BCAR3: variants seen among roughly 807,000 people sequenced by gnomAD.
The protein encoded by BCAR3 is breast cancer anti-estrogen resistance protein 3.
A neutral mutation model predicts 80.1 loss-of-function variants in BCAR3; 37 were observed. The ratio of observed to expected loss-of-function variants is 0.46; its 90% CI spans 0.36 to 0.61. BCAR3 has a LOEUF of 0.61. Ranked by LOEUF, BCAR3 falls within the 20% of genes least tolerant of loss-of-function variation. The pLI is 0.00. For missense variants in BCAR3, 978 were observed against 1,068.2 expected, an observed-to-expected ratio of 0.92 and a Z score of 1.18; for synonymous variants, 389 against 418.9, an observed-to-expected ratio of 0.93 and a Z score of 0.87.
At chr1:93,633,816 T>C (rs1675697025) in intron 3 of BCAR3, among the ~76,000 whole-genome samples, 2 of 152,176 alleles carry the variant, frequency 1.3e-5, no homozygotes, top group Admixed American at 6.5e-5. Flanking sequence ...TGTATTTTTT[T>C]AGTTAGTAGT....
At chr1:93,652,652 A>G (rs1226995630) in intron 2 of BCAR3, among the ~76,000 whole-genome samples, 2 of 151,416 alleles carry the variant, frequency 1.3e-5, no homozygotes, top group African/African-American at 2.4e-5. Flanking sequence ...TTTTTTTATA[A>G]TTTTTTTTGG....
chr1:93,692,611 A>C (rs887496637), intron 3 of BCAR3, among the ~76,000 whole-genome samples: 1 of 152,214 alleles, frequency 6.6e-6, no homozygotes, highest in Non-Finnish European at 1.5e-5. Flanking sequence ...TATAGACGAG[A>C]AAATGAAAGC....
chr1:93,578,414 C>T (rs1271244691), intron 7 of BCAR3, among the ~76,000 whole-genome samples: 6 of 152,128 alleles, frequency 3.9e-5, no homozygotes, highest in Non-Finnish European at 8.8e-5. Context: ...ATGAAGCCCT[C>T]CCACACCCCA....
At chr1:93,603,618 A>G (rs1031534788) in intron 3 of BCAR3, among the ~76,000 whole-genome samples, 2 of 152,050 alleles carry the variant, frequency 1.3e-5, no homozygotes, top group African/African-American at 4.8e-5. Context: ...TGCACACTTC[A>G]CCCTTTTGGC....
At chr1:93,672,811 A>G (rs901081684) in intron 2 of BCAR3, among the ~76,000 whole-genome samples, 5 of 152,158 alleles carry the variant, frequency 3.3e-5, no homozygotes, top group Non-Finnish European at 4.4e-5. Flanking sequence ...AGTGGTTTCT[A>G]TGGAGATTAT....
chr1:93,606,433 G>A (rs1186014059), intron 3 of BCAR3, among the ~76,000 whole-genome samples: 1 of 152,160 alleles, frequency 6.6e-6, no homozygotes, highest in Non-Finnish European at 1.5e-5. Flanking sequence ...GTGTTTAGAA[G>A]GTAATATCAT....
chr1:93,583,077 T>C, intron 6 of BCAR3, 124 bp from the exon 7 acceptor site: 1 of 1,176,986 alleles, frequency 8.5e-7, no homozygotes, highest in Admixed American at 2.8e-5. Flanking sequence ...TCATTTTCAT[T>C]TCCAAAAGAA....
At chr1:93,570,805 C>T (rs946268170) in intron 9 of BCAR3, among the ~76,000 whole-genome samples, 2 of 152,228 alleles carry the variant, frequency 1.3e-5, no homozygotes, top group African/African-American at 2.4e-5. Flanking sequence ...GATGTCTCAT[C>T]CTAATTGGTT....
At chr1:93,594,805 C>T (rs1329091712) in intron 3 of BCAR3, 2 of 152,178 alleles carry the variant, frequency 1.3e-5, no homozygotes, top group Admixed American at 6.5e-5. Flanking sequence ...AATTTATTTG[C>T]TTATATCCAA....
At chr1:93,597,359 A>G (rs947016333) in intron 3 of BCAR3, among the ~76,000 whole-genome samples, 1 of 152,228 alleles carries the variant, frequency 6.6e-6, no homozygotes, top group Non-Finnish European at 1.5e-5. Flanking sequence ...ATAAGTTACT[A>G]TAATTGATGC....
chr1:93,568,683 A>ATTTATTTTTATTAT (rs1553226101), intron 9 of BCAR3, among the ~76,000 whole-genome samples: 1 of 152,234 alleles, frequency 6.6e-6, no homozygotes, highest in Non-Finnish European at 1.5e-5. Context: ...CATGCATATT[A>ATTTATTTTTATTAT]TATACTACAT....
At chr1:93,795,498 C>CG (rs1475762737) in intron 2 of BCAR3, among the ~76,000 whole-genome samples, 8 of 35,416 alleles carry the variant, frequency 2.3e-4, no homozygotes, top group Admixed American at 4.6e-4. Context: ...CCTTGGTTTT[C>CG]AGCTCCATCA....
chr1:93,737,622 T>A (rs72721092), intron 2 of BCAR3, among the ~76,000 whole-genome samples: 1 of 152,326 alleles, frequency 6.6e-6, no homozygotes, highest in Non-Finnish European at 1.5e-5. Context: ...ACTGTAAGAA[T>A]AAATTCATGT....
chr1:93,847,896 A>AGCG (rs533240277), upstream of BCAR3: 594 of 242,274 alleles, frequency 2.5e-3, no homozygotes, highest in East Asian at 8.2e-3. Flanking sequence ...TCCTGAGAAG[A>AGCG]GCGGCGGCGG....
At chr1:93,779,856 A>G (rs957707996) in intron 2 of BCAR3, among the ~76,000 whole-genome samples, 2 of 152,150 alleles carry the variant, frequency 1.3e-5, no homozygotes, top group Admixed American at 6.5e-5. Flanking sequence ...TCCTCCCCCA[A>G]TCCCAGGATG....
intron 11 of BCAR3, among the ~76,000 whole-genome samples, chr1:93,565,916 G>GA (rs1173101762): frequency 6.6e-6 from 1 of 152,180 alleles, no homozygotes; most frequent in African/African-American, 2.4e-5. Context: ...TATAGTAATG[G>GA]AAAATAGTCA....
chr1:93,782,599 G>C (rs1475627063), intron 2 of BCAR3, among the ~76,000 whole-genome samples: 1 of 152,186 alleles, frequency 6.6e-6, no homozygotes, highest in African/African-American at 2.4e-5. Context: ...AATACAATCT[G>C]AGTGTTCATA....
intron 8 of BCAR3, among the ~76,000 whole-genome samples, chr1:93,572,756 C>G (rs755299624): frequency 1.3e-5 from 2 of 152,196 alleles, no homozygotes; most frequent in African/African-American, 2.4e-5. Context: ...GCTGTAGTTA[C>G]TAAAATACAG....
chr1:93,570,162 A>T (rs913892321), intron 9 of BCAR3, among the ~76,000 whole-genome samples: 1 of 152,236 alleles, frequency 6.6e-6, no homozygotes, highest in Non-Finnish European at 1.5e-5. Context: ...CGATGAAGGC[A>T]CTAAGTTTTC....
Sources: allele counts gnomAD v4.1 joint callset (sites outside exome capture counted in the v4.1 genomes callset), GRCh38; gene constraint gnomAD v4.1.1; transcripts MANE v1.5; gene names NCBI Gene and HGNC (gene_info 2026-07-23, HGNC 2026-07-21).